Variants in KLRG1 observed in about 807,000 individuals in gnomAD.
The protein encoded by KLRG1 is killer cell lectin-like receptor subfamily G member 1.
A neutral mutation model predicts 21.8 loss-of-function variants in KLRG1; 16 were observed. The ratio of observed to expected loss-of-function variants is 0.73; its 90% CI spans 0.50 to 1.11. The LOEUF is 1.11. Ranked by LOEUF, KLRG1 falls within the 50% of genes most tolerant of loss-of-function variation. The pLI, the probability that KLRG1 is intolerant of heterozygous loss-of-function variation, is 0.00. For synonymous variants in KLRG1, 69 were observed against 75.9 expected (o/e 0.91, Z 0.47); for missense variants, 173 against 218.3 (o/e 0.79, Z 1.31).
At chr12:9,062,900 GTAC>G in the KLRG1 span, among the ~76,000 whole-genome samples, 1 of 151,758 alleles carries the variant, frequency 6.6e-6, no homozygotes, top group African/African-American at 2.4e-5. Flanking sequence ...ATGTGGATCA[GTAC>G]TACTAACGGC....
intron 2 of KLRG1, 97 bp downstream of exon 2, chr12:8,992,407 C>T (rs1162107615): frequency 1.2e-6 from 1 of 803,768 alleles, no homozygotes; most frequent in Non-Finnish European, 2.0e-6. Flanking sequence ...ATAATTCAAA[C>T]AAAATAACTC....
intron 1 of KLRG1, among the ~76,000 whole-genome samples, chr12:8,959,157 A>T (rs1214386158): frequency 2.0e-5 from 3 of 152,194 alleles, no homozygotes; most frequent in African/African-American, 7.2e-5. Context: ...TAGGGGCTTG[A>T]ACTTTGCTGA....
chr12:9,196,298 T>A, the KLRG1 span: 1 of 1,487,040 alleles, frequency 6.7e-7, no homozygotes, highest in Non-Finnish European at 9.4e-7. Flanking sequence ...AACTGGATAC[T>A]TTGCTTACCT....
the KLRG1 span, chr12:9,164,342 T>A: frequency 7.0e-7 from 1 of 1,434,380 alleles, no homozygotes; most frequent in Non-Finnish European, 9.5e-7. Context: ...AAGTGTGAGA[T>A]GCTGCAGTAA....
the KLRG1 span, chr12:9,159,866 G>A: frequency 7.7e-7 from 1 of 1,304,084 alleles, no homozygotes; most frequent in Non-Finnish European, 1.1e-6. Context: ...AACAGAAAAT[G>A]GACTAAGACA....
At chr12:9,029,616 C>T in the KLRG1 span, among the ~76,000 whole-genome samples, 3 of 152,114 alleles carry the variant, frequency 2.0e-5, no homozygotes, top group African/African-American at 7.2e-5. Flanking sequence ...CCCAATCCCC[C>T]CTCCTCATTT....
chr12:9,045,635 A>T, the KLRG1 span, among the ~76,000 whole-genome samples: 2 of 152,238 alleles, frequency 1.3e-5, no homozygotes, highest in African/African-American at 4.8e-5. Context: ...ACAACATGCA[A>T]GAAGAGATGG....
At chr12:9,099,253 C>A in the KLRG1 span, 1 of 855,428 alleles carries the variant, frequency 1.2e-6, no homozygotes. Flanking sequence ...TCTGCCACTA[C>A]CTTGCTGAAT....
chr12:8,951,215 G>T (rs1303966089), intron 1 of KLRG1, among the ~76,000 whole-genome samples: 1 of 151,992 alleles, frequency 6.6e-6, no homozygotes, highest in African/African-American at 2.4e-5. Flanking sequence ...GCTCATGCCC[G>T]TAATCCCAGC....
chr12:9,179,978 C>T, the KLRG1 span, among the ~76,000 whole-genome samples: 1 of 152,168 alleles, frequency 6.6e-6, no homozygotes, highest in Non-Finnish European at 1.5e-5. Context: ...TCTGAATCCA[C>T]TTTTCTAATC....
chr12:9,165,008 C>A, the KLRG1 span: 1 of 1,110,770 alleles, frequency 9.0e-7, no homozygotes. Flanking sequence ...CTTTGCATAG[C>A]ACTAATTATT....
At chr12:9,102,632 C>T in the KLRG1 span, among the ~76,000 whole-genome samples, 11 of 152,182 alleles carry the variant, frequency 7.2e-5, no homozygotes, top group Non-Finnish European at 1.5e-4. Context: ...TCCTTTCAGG[C>T]TTCCTCTACC....
At chr12:9,212,156 C>CT in the KLRG1 span, among the ~76,000 whole-genome samples, 2 of 152,186 alleles carry the variant, frequency 1.3e-5, no homozygotes, top group African/African-American at 2.4e-5. Context: ...GCCTCAGGGC[C>CT]TACAGCTGAG....
At chr12:9,040,953 C>A in the KLRG1 span, among the ~76,000 whole-genome samples, 2 of 152,186 alleles carry the variant, frequency 1.3e-5, no homozygotes, top group Non-Finnish European at 2.9e-5. Flanking sequence ...CGACCACTGC[C>A]CACCTGACAG....
chr12:9,017,264 C>CAAAAAAAAAAAAAAAAAAAAAAAAAACAA, the KLRG1 span, among the ~76,000 whole-genome samples: 1 of 53,130 alleles, frequency 1.9e-5, no homozygotes, highest in African/African-American at 8.0e-5. Context: ...AACTCCATCT[C>CAAAAAAAAAAAAAAAAAAAAAAAAAACAA]AAAAAAAAAA....
At chr12:9,018,504 G>T in the KLRG1 span, among the ~76,000 whole-genome samples, 3 of 151,922 alleles carry the variant, frequency 2.0e-5, no homozygotes, top group Non-Finnish European at 4.4e-5. Flanking sequence ...TTCAACAAAG[G>T]TGTGAAGAAT....
chr12:8,956,779 G>T (rs1467740280), intron 1 of KLRG1, among the ~76,000 whole-genome samples: 1 of 152,182 alleles, frequency 6.6e-6, no homozygotes, highest in African/African-American at 2.4e-5. Flanking sequence ...TGTCTTTTGA[G>T]TTTTTTGGAC....
the KLRG1 span, among the ~76,000 whole-genome samples, chr12:9,178,886 G>T: frequency 6.6e-6 from 1 of 151,844 alleles, no homozygotes; most frequent in Non-Finnish European, 1.5e-5. Flanking sequence ...ATAGGACAGG[G>T]GTCTCAGATA....
At chr12:9,101,465 C>T in the KLRG1 span, 1 of 1,613,694 alleles carries the variant, frequency 6.2e-7, no homozygotes, top group Admixed American at 1.7e-5. Flanking sequence ...AGAAGGAGAG[C>T]TTCTTCAGCC....
Sources: gnomAD v4.1 joint callset for allele counts (sites outside exome capture counted in the v4.1 genomes callset) on GRCh38, gnomAD v4.1.1 for gene constraint, MANE v1.5 for transcripts, NCBI Gene and HGNC (gene_info 2026-07-23, HGNC 2026-07-21) for gene names.